The following AHNAK2 variants were observed in gnomAD, a reference collection of about 807,000 sequenced individuals.
AHNAK2 encodes protein AHNAK2.
A neutral mutation model predicts 30.7 loss-of-function variants in AHNAK2; 18 were observed. That is an observed-to-expected ratio of 0.59 (90% confidence interval 0.41 to 0.87). The LOEUF is 0.87. AHNAK2 is among the 40% of genes least tolerant of loss of function. The pLI, the probability that AHNAK2 is intolerant of heterozygous loss-of-function variation, is 0.00. For synonymous variants in AHNAK2, 3,590 were observed against 3,073.8 expected (o/e 1.17, Z -5.56); for missense variants, 8,604 against 7,373.0 (o/e 1.17, Z -6.11).
At position 104,943,743 on chromosome 14, in the gene AHNAK2, C is replaced by A. The variant is rs201107568; in HGVS notation, c.11708G>T (p.Gly3903Val). 8 of 1,612,720 alleles carry A rather than the reference C, an allele frequency of 5.0e-6. No homozygotes were observed. Among genetic ancestry groups the A allele is most frequent in the Non-Finnish European group, 6.8e-6 (8 of 1,179,482 alleles). The change falls in exon 7 of 7, where the codon GGC (glycine) becomes GTC (valine). Residue 3903 changes from glycine (G) to valine (V), a missense_variant. Transcript: ENST00000333244. ...SFKMPKVDLK[G>V]PEIDIKGPKL... ...GGGGCCCTTGATGTCTATTTCAGGG[C>A]CCTTGAGGTCGACTTTGGGCATCTT...
chr14:104,946,319 C>T lies in AHNAK2; in HGVS notation c.9132G>A (p.Leu3044=), dbSNP rs374943913. 2 of 1,612,008 alleles carry T rather than the reference C, an allele frequency of 1.2e-6. No individual in the cohort carries two copies. Among genetic ancestry groups the T allele is most frequent in the African/African-American group, 2.7e-5 (2 of 74,338 alleles). ...CGGGAACGTGGCCCTCTGGGAGCTT[C>T]AGGTCCACCTGGCCAGCCTGGACCT... ...QLEVQAGQVD[L]KLPEGHVPEG... Residue 3044 remains leucine, a synonymous_variant, in exon 7 of 7, where the codon CTG becomes CTA. Transcript: ENST00000333244.
chr14:104,943,164 A>G lies in AHNAK2; in HGVS notation c.12287T>C (p.Leu4096Pro). Reference protein sequence around the residue: ...EVTAPDVKMSLSSMEVDVQAP... With the variant: ...EVTAPDVKMSPSSMEVDVQAP... ...CTGGACGTCCACCTCCATGCTGGAC[A>G]GAGACATCTTCACATCAGGGGCTGT... Residue 4096 changes from leucine (L) to proline (P), a missense_variant, in exon 7 of 7, where the codon CTG (leucine) becomes CCG (proline). Physicochemically the swap from Leu to Pro is moderately conservative, Grantham distance 98. Coordinates refer to ENST00000333244, the MANE Select transcript of AHNAK2 (RefSeq NM_138420.4). 6.2e-7 allele frequency: 1 copy of G among 1,613,260 alleles called. No individual in the cohort carries two copies. The highest frequency in any genetic ancestry group is 8.5e-7 in the Non-Finnish European group (1 of 1,179,604).
Position 104,942,837 on chromosome 14 carries a change from G to A in AHNAK2, c.12614C>T (p.Pro4205Leu). The A allele has an allele frequency of 1.2e-6, 2 of 1,612,504 alleles. No individual in the cohort carries two copies. Among genetic ancestry groups the A allele is most frequent in the South Asian group, 2.2e-5 (2 of 91,016 alleles). Residue 4205 changes from proline (P) to leucine (L), a missense_variant, in exon 7 of 7, where the codon CCC becomes CTC. By Grantham distance (98) the Pro-to-Leu change is moderately conservative. Transcript: ENST00000333244. The stretch of plus-strand genomic sequence containing the variant: ...TTTGAGGCCGGCTCCCTTGGGCAGG[G>A]GGCCCTCCGGGAGTTTCACGTCCAC... ...GQVDVKLPEGPLPKGAGLKGH... is the reference protein window; with the variant it reads ...GQVDVKLPEGLLPKGAGLKGH...
Position 104,946,829 on chromosome 14 carries a change from A to G in AHNAK2, c.8622T>C (p.Ala2874=), listed in dbSNP as rs1426889025. ...CTGGGAGTTTCACGTCCACCTGGCC[A>G]GCCTGGACCTCCAGTTGGGCGGAGG... ...QPPSAQLEVQ[A]GQVDVKLPEG... is the part of the protein sequence containing the mutation. The change falls in exon 7 of 7, where the codon GCT becomes GCC. Residue 2874 remains alanine (A), a synonymous_variant. Transcript: ENST00000333244. 6.2e-7 allele frequency: 1 copy of G among 1,612,384 alleles called. No homozygotes were observed. The highest frequency in any genetic ancestry group is 1.3e-5 in the African/African-American group (1 of 74,352).
In AHNAK2 at chr14:104,941,393, C is replaced by G; in HGVS notation, c.14058G>C (p.Leu4686Phe). ...TTCCAACTTCTCCAACAGCAAGCCC[C>G]AAGTTACCATCGCGAGATGGATCAT... ...DLHDPSRDGN[L>F]GLAVGEVGMD... Residue 4686 changes from leucine to phenylalanine, a missense_variant, in exon 7 of 7, where the codon TTG (leucine) becomes TTC (phenylalanine). Transcript: ENST00000333244. The G allele has an allele frequency of 1.2e-6, 2 of 1,613,348 alleles. No individual in the cohort carries two copies. The highest frequency in any genetic ancestry group is 1.7e-6 in the Non-Finnish European group (2 of 1,179,886).
Position 104,938,688 on chromosome 14 carries a change from GT to G in AHNAK2, c.16762del (p.Thr5588HisfsTer115), listed in dbSNP as rs780579366. The G allele has an allele frequency of 5.0e-6, 8 of 1,612,844 alleles. No homozygotes were observed. In the East Asian group the frequency reaches 1.8e-4, roughly 36 times the overall value. ...SSSVNVLGQQ[T>X]LTFEVPSGHQ... ...GCCAGAAGGAACTTCAAATGTGAGTGTTTGCTGTCCCAGTACATTGACGCTG... is the reference window on the plus strand; with the variant it reads ...GCCAGAAGGAACTTCAAATGTGAGTGTTGCTGTCCCAGTACATTGACGCTG... On this transcript the variant is annotated frameshift_variant, in exon 7 of 7. Coordinates refer to ENST00000333244, the MANE Select transcript of AHNAK2 (RefSeq NM_138420.4). LOFTEE classifies it low-confidence loss of function (END_TRUNC).
Position 104,944,595 on chromosome 14 carries a change from C to T in AHNAK2, c.10856G>A (p.Arg3619Gln), listed in dbSNP as rs752295555. The T allele has an allele frequency of 1.4e-5, 23 of 1,612,344 alleles. No individual in the cohort carries two copies. The highest frequency in any genetic ancestry group is 6.6e-5 in the South Asian group (6 of 91,012). Reference sequence around the variant, plus strand: ...AGCCAGGGACAGGTCTCCCTCCAGCCGCCCAGCATCCAGCTTGGCCTTCGG... The same window carrying T: ...AGCCAGGGACAGGTCTCCCTCCAGCTGCCCAGCATCCAGCTTGGCCTTCGG... ...QAPKAKLDAG[R>Q]LEGDLSLADK... Residue 3619 changes from arginine (R) to glutamine (Q), a missense_variant, in exon 7 of 7, where the codon CGG (arginine) becomes CAG (glutamine). Coordinates refer to ENST00000333244, the MANE Select transcript of AHNAK2 (RefSeq NM_138420.4).
chr14:104,944,590 C>T lies in AHNAK2; in HGVS notation c.10861G>A (p.Glu3621Lys), dbSNP rs369033265. ...PKAKLDAGRL[E>K]GDLSLADKDV... ...TTGTCAGCCAGGGACAGGTCTCCCT[C>T]CAGCCGCCCAGCATCCAGCTTGGCC... Residue 3621 changes from glutamate (E) to lysine (K), a missense_variant, in exon 7 of 7, where the codon GAG (glutamate) becomes AAG (lysine). Transcript: ENST00000333244. 2 of 1,613,240 alleles carry T rather than the reference C, an allele frequency of 1.2e-6. No homozygotes were observed. Among genetic ancestry groups the T allele is most frequent in the South Asian group, 1.1e-5 (1 of 91,060 alleles).
chr14:104,968,329 T>C (rs962864766), intron 1 of AHNAK2, among the ~76,000 whole-genome samples: 2 of 145,522 alleles, frequency 1.4e-5, no homozygotes, highest in Non-Finnish European at 1.5e-5. Context: ...AGAACTGGAC[T>C]ATCCTGGCGC....
Position 104,953,236 on chromosome 14 carries a change from C to G in AHNAK2, c.2215G>C (p.Val739Leu), listed in dbSNP as rs764728202. The change falls in exon 7 of 7, where the codon GTG becomes CTG. Residue 739 changes from valine (V) to leucine (L), a missense_variant. Coordinates refer to ENST00000333244, the MANE Select transcript of AHNAK2 (RefSeq NM_138420.4). The stretch of plus-strand genomic sequence containing the variant: ...GGGCCCTCCGGAAGTTTCACATCCA[C>G]TTGGCCATCCTGGACCTCCAGGTCA... Reference protein sequence around the residue: ...SADLEVQDGQVDVKLPEGPLP... With the variant: ...SADLEVQDGQLDVKLPEGPLP... 1 of 1,613,178 alleles carries G rather than the reference C, an allele frequency of 6.2e-7. No individual in the cohort carries two copies. Among genetic ancestry groups the G allele is most frequent in the Non-Finnish European group, 8.5e-7 (1 of 1,179,678 alleles).
intron 4 of AHNAK2, 42 bp from the exon 5 acceptor site, chr14:104,955,675 G>A (rs1381916136): frequency 1.9e-6 from 3 of 1,596,576 alleles, no homozygotes; most frequent in African/African-American, 2.7e-5. Context: ...GCATGTGCCA[G>A]TCCCACCATA....
rs760146751 is a variant in AHNAK2 at position 104,942,574 on chromosome 14, C to G, written c.12877G>C (p.Ala4293Pro). The change falls in exon 7 of 7, where the codon GCC becomes CCC. Residue 4293 changes from alanine to proline, a missense_variant. Physicochemically the swap from Ala to Pro is conservative, Grantham distance 27. Transcript: ENST00000333244. Reference sequence around the variant, plus strand: ...GGCATTTTGAACTTGCTGTCTTTGGCAGTCATGTCCTTGTCGGCTAGGGAC... The same window carrying G: ...GGCATTTTGAACTTGCTGTCTTTGGGAGTCATGTCCTTGTCGGCTAGGGAC... ...DLSLADKDMT[A>P]KDSKFKMPKF... 2 of 1,613,058 alleles carry G rather than the reference C, an allele frequency of 1.2e-6. No homozygotes were observed. The highest frequency in any genetic ancestry group is 2.2e-5 in the East Asian group (1 of 44,792).
chr14:104,944,362 C>G lies in AHNAK2; in HGVS notation c.11089G>C (p.Val3697Leu), dbSNP rs200306403. The change falls in exon 7 of 7, where the codon GTC (valine) becomes CTC (leucine). Residue 3697 changes from valine to leucine, a missense_variant. Physicochemically the swap from Val to Leu is conservative, Grantham distance 32. Coordinates refer to ENST00000333244, the MANE Select transcript of AHNAK2 (RefSeq NM_138420.4). ...SIQPPSADLK[V>L]QAGQMDVKLP... ...TTCACATCCATCTGGCCAGCCTGGA[C>G]CTTCAGGTCGGCAGAAGGGGGCTGA... is the stretch of plus-strand genomic sequence containing the variant. 4.2e-4 allele frequency: 671 copies of G among 1,612,684 alleles called. No individual in the cohort carries two copies. Among genetic ancestry groups the G allele is most frequent in the Admixed American group, 1.4e-3 (84 of 59,892 alleles).
chr14:104,952,431 G>A lies in AHNAK2; in HGVS notation c.3020C>T (p.Ser1007Leu), dbSNP rs375305203. The change falls in exon 7 of 7, where the codon TCG becomes TTG. Residue 1007 changes from serine (S) to leucine (L), a missense_variant. Coordinates refer to ENST00000333244, the MANE Select transcript of AHNAK2 (RefSeq NM_138420.4). Reference sequence around the variant, plus strand: ...CTTCCCTGGGGCCGATACCCCGAACGACGGCATCTTGAACTTGGGCATTTT... The same window carrying A: ...CTTCCCTGGGGCCGATACCCCGAACAACGGCATCTTGAACTTGGGCATTTT... Reference protein sequence around the residue: ...KFKMPKFKMPSFGVSAPGKSI... With the variant: ...KFKMPKFKMPLFGVSAPGKSI... 34 of 1,612,574 alleles carry A rather than the reference G, an allele frequency of 2.1e-5. No individual in the cohort carries two copies. Among genetic ancestry groups the A allele is most frequent in the Middle Eastern group, 3.3e-4 (2 of 6,048 alleles).
Position 104,943,692 on chromosome 14 carries a change from A to G in AHNAK2, c.11759T>C (p.Val3920Ala), listed in dbSNP as rs185391570. Residue 3920 changes from valine (V) to alanine (A), a missense_variant, in exon 7 of 7, where the codon GTG becomes GCG. Transcript: ENST00000333244. ...CTCCACATCAGGGGCTGTCACTTCC[A>G]CCTTGGGGTCTTTTAGGTCCAGCTT... ...GPKLDLKDPK[V>A]EVTAPDVEVS... The G allele has an allele frequency of 6.6e-4, 1,067 of 1,605,288 alleles. 8 individuals carry two copies. In the African/African-American group the frequency reaches 0.012, roughly 19 times the overall value.
chr14:104,953,749 C>A lies in AHNAK2; in HGVS notation c.1702G>T (p.Glu568Ter). The change falls in exon 7 of 7, where the codon GAA (glutamate) becomes TAA (stop). Residue 568 changes from glutamate to a stop codon, truncating the protein, a stop_gained. Transcript: ENST00000333244. LOFTEE classifies it low-confidence loss of function (END_TRUNC). ...GTGTCTTCCCTGCCCTTGTCCTGTTCCTCAGTGATCCTTGTCCTCTGTAGT... is the reference window on the plus strand; with the variant it reads ...GTGTCTTCCCTGCCCTTGTCCTGTTACTCAGTGATCCTTGTCCTCTGTAGT... ...EGLQRTRITEEQDKGREDTEG... is the reference protein window; with the variant it reads ...EGLQRTRITE The A allele has an allele frequency of 6.2e-7, 1 of 1,613,918 alleles. No individual in the cohort carries two copies. Among genetic ancestry groups the A allele is most frequent in the East Asian group, 2.2e-5 (1 of 44,866 alleles).
In AHNAK2 at chr14:104,948,350, G is replaced by A. The variant is rs753362085; in HGVS notation, c.7101C>T (p.Ser2367=). ...MQGDLKTTDL[S]VQPPSADLEV... The stretch of plus-strand genomic sequence containing the variant: ...CCAGGTCAGCGGAAGGGGGCTGAAC[G>A]CTGAGGTCAGTGGTCTTGAGGTCCC... Residue 2367 remains serine (S), a synonymous_variant, in exon 7 of 7, where the codon AGC becomes AGT. Coordinates refer to ENST00000333244, the MANE Select transcript of AHNAK2 (RefSeq NM_138420.4). The A allele has an allele frequency of 4.7e-5, 76 of 1,612,806 alleles. No individual in the cohort carries two copies. The South Asian group carries it at 5.4e-4, about 11-fold the overall frequency.
At chr14:104,970,121 T>C (rs1205289066) in intron 1 of AHNAK2, among the ~76,000 whole-genome samples, 1 of 152,034 alleles carries the variant, frequency 6.6e-6, no homozygotes, top group Non-Finnish European at 1.5e-5. Context: ...CCAGGCTCCT[T>C]GGAAACAAGA....
intron 1 of AHNAK2, among the ~76,000 whole-genome samples, chr14:104,958,900 AAGGGCACAAAAAT>A (rs1899055753): frequency 6.6e-6 from 1 of 152,234 alleles, no homozygotes; most frequent in Admixed American, 6.5e-5. Flanking sequence ...ATCACATAAT[AAGGGCACAAAAAT>A]ACAACTAACA....
Sources: gnomAD v4.1 joint callset for allele counts (sites outside exome capture counted in the v4.1 genomes callset) on GRCh38, gnomAD v4.1.1 for gene constraint, MANE v1.5 for transcripts, NCBI Gene and HGNC (gene_info 2026-07-23, HGNC 2026-07-21) for gene names.